ASGR1: variants seen among roughly 807,000 people sequenced by gnomAD.
The protein encoded by ASGR1 is asialoglycoprotein receptor 1, also known as C-type lectin domain family 4 member H1.
A neutral mutation model predicts 33.1 loss-of-function variants in ASGR1; 35 were observed. The ratio of observed to expected loss-of-function variants is 1.06; its 90% CI spans 0.81 to 1.40. ASGR1 has a LOEUF of 1.40. ASGR1 is among the 40% of genes most tolerant of loss of function. ASGR1 has a pLI of 0.00. For missense variants in ASGR1, 396 were observed against 373.7 expected, an observed-to-expected ratio of 1.06 and a Z score of -0.49; for synonymous variants, 142 against 152.5, an observed-to-expected ratio of 0.93 and a Z score of 0.51.
Position 7,173,514 on chromosome 17 carries a change from G to T in ASGR1, c.*145C>A. On this transcript the variant is annotated 3_prime_UTR_variant, in exon 9 of 9. Coordinates refer to ENST00000269299, the MANE Select transcript of ASGR1 (RefSeq NM_001671.5). This position sits in a 1 kb window ranked among gnomAD's most constrained non-coding sequence, Gnocchi z 4.7. ...CTGCAGAAAGCGCCACGGGTTTCAA[G>T]CTCCTCACCTTCGGAACATCACCCT... 8.6e-7 allele frequency: 1 copy of T among 1,156,920 alleles called. No individual in the cohort carries two copies. Among genetic ancestry groups the T allele is most frequent in the Non-Finnish European group, 1.2e-6 (1 of 838,588 alleles). 71.7% of individuals were successfully genotyped at this position (1,156,920 alleles called of 1,614,324 possible).
intron 1 of ASGR1, 140 bp from the exon 2 acceptor site, chr17:7,178,728 T>G: frequency 2.5e-6 from 1 of 405,070 alleles, no homozygotes; most frequent in Non-Finnish European, 4.3e-6. Flanking sequence ...CTTTTTCTTT[T>G]TTTTCTTTTC....
Position 7,173,837 on chromosome 17 carries a change from G to A in ASGR1, c.702-4C>T. On this transcript the variant is annotated splice_polypyrimidine_tract_variant and splice_region_variant and intron_variant, in intron 8 of 8. Coordinates refer to ENST00000269299, the MANE Select transcript of ASGR1 (RefSeq NM_001671.5). This position sits in a 1 kb window ranked among gnomAD's most constrained non-coding sequence, Gnocchi z 4.7. ...CGGCTGCTCCGGCCTCCAGTTCCTGGGGACAGAGCCAGCTGTGGGCCCCAG... is the reference window on the plus strand; with the variant it reads ...CGGCTGCTCCGGCCTCCAGTTCCTGAGGACAGAGCCAGCTGTGGGCCCCAG... 1 of 1,609,332 alleles carries A rather than the reference G, an allele frequency of 6.2e-7. No homozygotes were observed. Among genetic ancestry groups the A allele is most frequent in the Non-Finnish European group, 8.5e-7 (1 of 1,178,718 alleles).
intron 5 of ASGR1, among the ~76,000 whole-genome samples, chr17:7,175,806 C>G (rs1324720589): frequency 1.3e-5 from 2 of 151,232 alleles, no homozygotes; most frequent in African/African-American, 2.4e-5. Context: ...CACTCCCTCT[C>G]ATTCTCACAG....
Position 7,176,882 on chromosome 17 carries a change from C to G in ASGR1, c.303G>C (p.Lys101Asn). Reference sequence around the variant, plus strand: ...CCAGCTGGGACTCTAGCGACTTCATCTTTCTTCCCACATTGCCTCCTGCGG... The same window carrying G: ...CCAGCTGGGACTCTAGCGACTTCATGTTTCTTCCCACATTGCCTCCTGCGG... ...LSTQGGNVGR[K>N]MKSLESQLEK... The change falls in exon 5 of 9, where the codon AAG becomes AAC. Residue 101 changes from lysine to asparagine, a missense_variant. Transcript: ENST00000269299. 2 of 1,613,386 alleles carry G rather than the reference C, an allele frequency of 1.2e-6. No individual in the cohort carries two copies. The highest frequency in any genetic ancestry group is 1.7e-6 in the Non-Finnish European group (2 of 1,180,030).
rs1490664348 is a variant in ASGR1 at position 7,174,162 on chromosome 17, C to T, written c.570G>A (p.Val190=). The change falls in exon 7 of 9, where the codon GTG becomes GTA. Residue 190 remains valine (V), a synonymous_variant. Transcript: ENST00000269299. The part of the protein sequence containing the change: ...NYCRLEDAHL[V]VVTSWEEQKF... Reference sequence around the variant, plus strand: ...CCTGCTCCTCCCAGGACGTGACCACCACCAGGTGCGCGTCCTCCAGCCGGC... The same window carrying T: ...CCTGCTCCTCCCAGGACGTGACCACTACCAGGTGCGCGTCCTCCAGCCGGC... 1.2e-6 allele frequency: 2 copies of T among 1,614,122 alleles called. No homozygotes were observed. Among genetic ancestry groups the T allele is most frequent in the South Asian group, 1.1e-5 (1 of 91,078 alleles).
intron 5 of ASGR1, 52 bp from the exon 6 acceptor site, chr17:7,174,512 G>A (rs771006974): frequency 1.9e-6 from 3 of 1,552,922 alleles, no homozygotes; most frequent in Non-Finnish European, 2.6e-6. Flanking sequence ...ACCACGGGGA[G>A]GGAAACGGGA....
intron 5 of ASGR1, among the ~76,000 whole-genome samples, chr17:7,174,716 C>T (rs1414392637): frequency 6.6e-6 from 1 of 150,398 alleles, no homozygotes; most frequent in East Asian, 2.0e-4. Context: ...ATATACAACA[C>T]ACACACACAC....
intron 5 of ASGR1, among the ~76,000 whole-genome samples, chr17:7,175,643 A>G (rs1168317346): frequency 6.6e-6 from 1 of 151,496 alleles, no homozygotes; most frequent in African/African-American, 2.4e-5. Context: ...TCTCACATAC[A>G]CTGACACATT....
chr17:7,177,174 C>T, intron 3 of ASGR1, 36 bp downstream of exon 3: 1 of 1,612,950 alleles, frequency 6.2e-7, no homozygotes, highest in Non-Finnish European at 8.5e-7. Context: ...TCAACACCCC[C>T]CAATGTTGCC....
At chr17:7,176,628 CCT>C (rs1388271126) in intron 5 of ASGR1, 200 bp downstream of exon 5, 8 of 665,652 alleles carry the variant, frequency 1.2e-5, no homozygotes, top group East Asian at 2.8e-5. Flanking sequence ...ATACACACTC[CCT>C]CTCATTCTCA....
intron 5 of ASGR1, among the ~76,000 whole-genome samples, chr17:7,176,314 GAC>G (rs980120940): frequency 2.6e-4 from 31 of 119,032 alleles, no homozygotes; most frequent in South Asian, 5.7e-4. Context: ...CTCACACTCA[GAC>G]ACAAACACCC....
chr17:7,178,289 G>A, intron 2 of ASGR1: 1 of 592,584 alleles, frequency 1.7e-6, no homozygotes, highest in Non-Finnish European at 3.0e-6. Context: ...GGAAAGCTTT[G>A]GGCACCTGTC....
In ASGR1 at chr17:7,173,632, G is replaced by A. The variant is rs374306915; in HGVS notation, c.*27C>T. 3.7e-6 allele frequency: 6 copies of A among 1,611,330 alleles called. No individual in the cohort carries two copies. Among genetic ancestry groups the A allele is most frequent in the Non-Finnish European group, 5.1e-6 (6 of 1,179,964 alleles). ...CGGATTCCCAATCCCGGACCCCTGC[G>A]GCAGGTCGAGGCATTGAAGAAATAA... On this transcript the variant is annotated 3_prime_UTR_variant, in exon 9 of 9. Coordinates refer to ENST00000269299, the MANE Select transcript of ASGR1 (RefSeq NM_001671.5). The surrounding 1 kb of genome is among the most constrained non-coding windows in gnomAD (Gnocchi z 4.7).
intron 2 of ASGR1, chr17:7,177,984 T>C (rs2069237143): frequency 6.1e-6 from 1 of 163,556 alleles, no homozygotes; most frequent in Non-Finnish European, 1.3e-5. Flanking sequence ...AAGAAATGGG[T>C]CAAGGGGAAT....
intron 5 of ASGR1, among the ~76,000 whole-genome samples, chr17:7,175,153 AAC>A (rs150561591): frequency 0.028 from 4,159 of 147,870 alleles, 72 homozygotes; most frequent in Non-Finnish European, 0.031. Context: ...ACACACACAA[AAC>A]ACACACACAA....
chr17:7,174,480 G>A lies in ASGR1; in HGVS notation c.356-20C>T, dbSNP rs201179815. The A allele has an allele frequency of 5.0e-6, 8 of 1,606,966 alleles. No homozygotes were observed. The Admixed American group carries it at 1.2e-4, about 24-fold the overall frequency. Reference sequence around the variant, plus strand: ...AGTGATCTGGGGAGACCGGGCGGAGGGGAGCGGGAGGAGATGCGGAAACCA... The same window carrying A: ...AGTGATCTGGGGAGACCGGGCGGAGAGGAGCGGGAGGAGATGCGGAAACCA... On this transcript the variant is annotated intron_variant, in intron 5 of 8. Coordinates refer to ENST00000269299, the MANE Select transcript of ASGR1 (RefSeq NM_001671.5).
intron 5 of ASGR1, among the ~76,000 whole-genome samples, chr17:7,174,711 CAACA>C (rs1567792387): frequency 1.4e-5 from 2 of 141,034 alleles, no homozygotes; most frequent in African/African-American, 5.1e-5. Flanking sequence ...AGACAATATA[CAACA>C]CACACACACA....
intron 1 of ASGR1, chr17:7,178,908 T>C: frequency 5.2e-6 from 1 of 192,530 alleles, no homozygotes; most frequent in Non-Finnish European, 1.1e-5. Flanking sequence ...GGCTACTTTT[T>C]TGTATTTTAG....
chr17:7,176,626 T>A, intron 5 of ASGR1: 2 of 630,110 alleles, frequency 3.2e-6, no homozygotes, highest in South Asian at 3.7e-5. Flanking sequence ...ACATACACAC[T>A]CCCTCTCATT....
Sources: gnomAD v4.1 joint callset for allele counts (sites outside exome capture counted in the v4.1 genomes callset) on GRCh38, gnomAD v4.1.1 for gene constraint, Gnocchi (gnomAD v3.1) non-coding constraint, MANE v1.5 for transcripts, NCBI Gene and HGNC (gene_info 2026-07-23, HGNC 2026-07-21) for gene names.